Variants in MAPK10 observed in about 807,000 individuals in gnomAD.
MAPK10 encodes JNK3 alpha protein kinase.
MAPK10 carries 25 observed loss-of-function variants against 59.3 expected under a neutral mutation model. The observed-to-expected ratio is 0.42, with a 90% CI of 0.31 to 0.59. The LOEUF is 0.59. Among genes scored for constraint, MAPK10 ranks in the 20% least tolerant of loss-of-function variants. The pLI is 0.15. For synonymous variants in MAPK10, 190 were observed against 200.5 expected (o/e 0.95, Z 0.44); for missense variants, 351 against 568.9 (o/e 0.62, Z 3.90).
intron 1 of MAPK10, among the ~76,000 whole-genome samples, chr4:86,385,208 T>C (rs1032631962): frequency 2.0e-5 from 3 of 152,126 alleles, no homozygotes; most frequent in Non-Finnish European, 4.4e-5. Context: ...ATAATAATAT[T>C]GCCAATTTAT....
At chr4:86,322,188 T>C (rs1341945766) in intron 2 of MAPK10, among the ~76,000 whole-genome samples, 7 of 152,166 alleles carry the variant, frequency 4.6e-5, no homozygotes, top group Non-Finnish European at 1.0e-4. Context: ...TGAGAAACTA[T>C]TTAAGGAACA....
At chr4:86,350,263 G>T (rs1268969873) in intron 2 of MAPK10, among the ~76,000 whole-genome samples, 1 of 151,560 alleles carries the variant, frequency 6.6e-6, no homozygotes, top group Non-Finnish European at 1.5e-5. Flanking sequence ...CGCCCAGGCT[G>T]GAGTGCAGTG....
intron 1 of MAPK10, among the ~76,000 whole-genome samples, chr4:86,548,970 T>G (rs945285234): frequency 6.6e-6 from 1 of 152,200 alleles, no homozygotes; most frequent in African/African-American, 2.4e-5. Flanking sequence ...GATTTAGTGA[T>G]TCCCATTCTA....
chr4:86,297,895 C>T (rs1021195636), intron 2 of MAPK10, among the ~76,000 whole-genome samples: 1 of 152,318 alleles, frequency 6.6e-6, no homozygotes, highest in South Asian at 2.1e-4. Context: ...CATAGAAGAT[C>T]TCTCATGACT....
chr4:86,042,181 C>G (rs1313179664), intron 11 of MAPK10, among the ~76,000 whole-genome samples: 1 of 152,160 alleles, frequency 6.6e-6, no homozygotes. Context: ...ATGGATGAAG[C>G]TAGAAGCCAT....
At chr4:86,144,989 CA>C (rs11447293) in intron 4 of MAPK10, among the ~76,000 whole-genome samples, 1 of 151,042 alleles carries the variant, frequency 6.6e-6, no homozygotes, top group African/African-American at 2.4e-5. Context: ...ATATGTTTAC[CA>C]AAAAAAACCC....
chr4:86,108,246 C>T (rs2056879602), intron 4 of MAPK10, among the ~76,000 whole-genome samples: 1 of 151,946 alleles, frequency 6.6e-6, no homozygotes, highest in Non-Finnish European at 1.5e-5. Flanking sequence ...TGCTATTTCT[C>T]TCATATGCAG....
chr4:86,066,795 T>C (rs1169253756), intron 10 of MAPK10, among the ~76,000 whole-genome samples: 1 of 148,454 alleles, frequency 6.7e-6, no homozygotes, highest in Non-Finnish European at 1.5e-5. Context: ...GGGGTTACAA[T>C]GGATTCTTCA....
intron 1 of MAPK10, among the ~76,000 whole-genome samples, chr4:86,481,101 A>T: frequency 6.6e-6 from 1 of 152,198 alleles, no homozygotes; most frequent in Admixed American, 6.5e-5. Flanking sequence ...GAGAATTTCT[A>T]TATTGCAAAT....
intron 1 of MAPK10, among the ~76,000 whole-genome samples, chr4:86,519,469 G>A (rs939689877): frequency 4.6e-5 from 7 of 152,044 alleles, no homozygotes; most frequent in African/African-American, 9.7e-5. Context: ...CCATTTGCAC[G>A]GAATATATTT....
intron 4 of MAPK10, chr4:86,117,790 T>C (rs899718547): frequency 1.3e-5 from 2 of 152,200 alleles, no homozygotes. Flanking sequence ...GATTCCTGGT[T>C]AAGAGGAGGA....
At chr4:86,330,205 G>T (rs912244733) in intron 2 of MAPK10, among the ~76,000 whole-genome samples, 2 of 152,084 alleles carry the variant, frequency 1.3e-5, no homozygotes, top group African/African-American at 2.4e-5. Context: ...CAGTTTTTTT[G>T]TGTGTGTTTA....
intron 2 of MAPK10, among the ~76,000 whole-genome samples, chr4:86,214,141 T>C (rs1343502998): frequency 1.3e-5 from 2 of 152,126 alleles, no homozygotes; most frequent in Non-Finnish European, 2.9e-5. Context: ...TGTGATTATT[T>C]CAATTGATAC....
chr4:86,563,940 T>A (rs908288095), intron 1 of MAPK10, among the ~76,000 whole-genome samples: 2 of 152,206 alleles, frequency 1.3e-5, no homozygotes, highest in African/African-American at 4.8e-5. Context: ...CAAGCGATTC[T>A]CCTGCCTCAG....
chr4:86,372,532 G>GAAAT (rs1331200250), intron 1 of MAPK10, among the ~76,000 whole-genome samples: 3 of 59,590 alleles, frequency 5.0e-5, no homozygotes, highest in African/African-American at 2.5e-4. Context: ...AAGAAAGAAA[G>GAAAT]AAAGAAAGAA....
intron 1 of MAPK10, among the ~76,000 whole-genome samples, chr4:86,449,408 C>T (rs1750429405): frequency 6.6e-6 from 1 of 152,156 alleles, no homozygotes. Context: ...TTAAAGCGTG[C>T]TTTATTTAAG....
chr4:86,322,956 C>T (rs1315474781), intron 2 of MAPK10, among the ~76,000 whole-genome samples: 4 of 152,180 alleles, frequency 2.6e-5, no homozygotes, highest in Non-Finnish European at 5.9e-5. Context: ...GGGAGGATCA[C>T]CTGAGGTCAG....
chr4:86,250,674 G>A (rs2093365502), intron 2 of MAPK10, among the ~76,000 whole-genome samples: 1 of 151,936 alleles, frequency 6.6e-6, no homozygotes, highest in African/African-American at 2.4e-5. Context: ...TCAAGAAAAT[G>A]GCAAAGAAAG....
At chr4:86,507,774 C>A (rs1755913256) in intron 1 of MAPK10, among the ~76,000 whole-genome samples, 2 of 148,836 alleles carry the variant, frequency 1.3e-5, no homozygotes, top group African/African-American at 2.5e-5. Flanking sequence ...CAAAATGGAG[C>A]CACTTGTGTT....
Sources: gnomAD v4.1 joint callset for allele counts (sites outside exome capture counted in the v4.1 genomes callset) on GRCh38, gnomAD v4.1.1 for gene constraint, MANE v1.5 for transcripts, NCBI Gene and HGNC (gene_info 2026-07-23, HGNC 2026-07-21) for gene names.